The following AKNAD1 variants were observed in gnomAD, a reference collection of about 807,000 sequenced individuals.
AKNAD1 encodes AKNA domain containing 1, also known as protein AKNAD1.
In AKNAD1, 67 loss-of-function variants were observed where a neutral mutation model predicts 90.8. That is an observed-to-expected ratio of 0.74 (90% CI 0.61 to 0.90). The LOEUF (loss-of-function observed/expected upper bound fraction) is 0.90. Among genes scored for constraint, AKNAD1 ranks in the 40% least tolerant of loss-of-function variants. The pLI is 0.00. For missense variants in AKNAD1, 957 were observed against 975.4 expected, an observed-to-expected ratio of 0.98 and a Z score of 0.25; for synonymous variants, 327 against 341.4, an observed-to-expected ratio of 0.96 and a Z score of 0.46.
intron 14 of AKNAD1, among the ~76,000 whole-genome samples, chr1:108,818,918 C>T (rs561547721): frequency 3.4e-5 from 5 of 148,396 alleles, no homozygotes; most frequent in South Asian, 4.3e-4. Flanking sequence ...GAGCCATGAT[C>T]GTGCCACTTC....
intron 1 of AKNAD1, among the ~76,000 whole-genome samples, chr1:108,853,149 T>G (rs1205776745): frequency 2.0e-5 from 3 of 150,616 alleles, no homozygotes; most frequent in East Asian, 3.9e-4. Flanking sequence ...TTTTTTTTTT[T>G]GAGACGGAGT....
chr1:108,829,341 G>A (rs1664110572), intron 10 of AKNAD1, among the ~76,000 whole-genome samples: 1 of 148,404 alleles, frequency 6.7e-6, no homozygotes, highest in African/African-American at 2.5e-5. Flanking sequence ...TACTTCTGTA[G>A]GGTCTAGACT....
intron 11 of AKNAD1, among the ~76,000 whole-genome samples, chr1:108,825,599 G>A (rs1451316409): frequency 5.3e-5 from 8 of 151,460 alleles, no homozygotes; most frequent in African/African-American, 2.4e-5. Flanking sequence ...ATATACCTGA[G>A]GTGAAAATCC....
At chr1:108,830,290 C>T (rs758491593) in intron 10 of AKNAD1, among the ~76,000 whole-genome samples, 20 of 152,164 alleles carry the variant, frequency 1.3e-4, no homozygotes, top group Admixed American at 2.6e-4. Flanking sequence ...AGAGCCCCAC[C>T]GCTGGCGATG....
chr1:108,833,938 G>C (rs1041811988), intron 9 of AKNAD1, among the ~76,000 whole-genome samples: 65 of 151,926 alleles, frequency 4.3e-4, no homozygotes, highest in African/African-American at 1.5e-3. Flanking sequence ...GTAAAGCTCT[G>C]AGCCAACATA....
rs1553203224 is a variant in AKNAD1, at chr1:108,839,471, T to TAAAAAAAAAAAGAAAAAAAAAAAA, written c.1380-1766_1380-1765insTTTTTTTTTTTTCTTTTTTTTTTT. 6.5e-4 allele frequency among the ~76,000 whole-genome samples: 82 copies of TAAAAAAAAAAAGAAAAAAAAAAAA among 126,066 alleles called. 1 individual carries two copies. Among genetic ancestry groups the TAAAAAAAAAAAGAAAAAAAAAAAA allele is most frequent in the African/African-American group, 2.6e-3 (76 of 29,198 alleles). The allele number at this position is 126,066 out of a possible 152,430, so 82.7% of individuals were successfully genotyped here. On this transcript the variant is annotated intron_variant, in intron 6 of 15. Transcript: ENST00000370001. ...CTGGAGGAGCGAGACTCCGTCTCAA[T>TAAAAAAAAAAAGAAAAAAAAAAAA]AAAAAAAAAAAGAAAAGGGAAAATT...
At chr1:108,834,405 C>T (rs1664309385) in intron 9 of AKNAD1, 42 bp downstream of exon 9, 1 of 1,521,630 alleles carries the variant, frequency 6.6e-7, no homozygotes. Context: ...AAAGAGCCAA[C>T]AATGAGAAGA....
At chr1:108,844,389 T>C (rs1199335612) in intron 5 of AKNAD1, among the ~76,000 whole-genome samples, 1 of 151,634 alleles carries the variant, frequency 6.6e-6, no homozygotes, top group East Asian at 1.9e-4. Context: ...TATATATATA[T>C]ATATATATAC....
intron 9 of AKNAD1, among the ~76,000 whole-genome samples, chr1:108,833,877 A>G (rs1664289214): frequency 6.6e-6 from 1 of 152,078 alleles, no homozygotes; most frequent in Non-Finnish European, 1.5e-5. Flanking sequence ...TACCCTGAAC[A>G]AATATCACCT....
chr1:108,837,359 T>A, intron 7 of AKNAD1, 191 bp downstream of exon 7: 1 of 538,942 alleles, frequency 1.9e-6, no homozygotes, highest in African/African-American at 1.9e-5. Flanking sequence ...TTTCAAAAAT[T>A]AACACTTGAA....
At chr1:108,824,738 T>A (rs1011038989) in intron 11 of AKNAD1, among the ~76,000 whole-genome samples, 1 of 151,504 alleles carries the variant, frequency 6.6e-6, no homozygotes, top group South Asian at 2.1e-4. Flanking sequence ...GTTTAAATAT[T>A]GGGTCCCTAT....
intron 7 of AKNAD1, among the ~76,000 whole-genome samples, chr1:108,835,395 T>C (rs1488560555): frequency 1.3e-5 from 2 of 152,172 alleles, no homozygotes; most frequent in Non-Finnish European, 2.9e-5. Context: ...ACGTTACTTA[T>C]ATTAACTCAT....
intron 5 of AKNAD1, among the ~76,000 whole-genome samples, chr1:108,847,173 G>T (rs114784605): frequency 0.013 from 1,983 of 152,228 alleles, 36 homozygotes; most frequent in African/African-American, 0.046. Context: ...GCAGCCAGGT[G>T]CAGCGGCTCA....
chr1:108,835,818 G>A (rs1486896624), intron 7 of AKNAD1, among the ~76,000 whole-genome samples: 3 of 152,000 alleles, frequency 2.0e-5, no homozygotes, highest in Non-Finnish European at 4.4e-5. Flanking sequence ...TAGAAACGGG[G>A]TTTCACCATG....
At position 108,834,928 on chromosome 1, in the gene AKNAD1, C is replaced by A. The variant is rs759160775; in HGVS notation, c.1664+1G>T. On this transcript the variant is annotated splice_donor_variant, in intron 8 of 15. Coordinates refer to ENST00000370001, the MANE Select transcript of AKNAD1 (RefSeq NM_152763.5). LOFTEE classifies it high-confidence loss of function. ...GCTGGGGCTCCAGGGCTAGGACTCA[C>A]GTCTGCGGGGCCAGCTCACAGAGCT... 1 of 1,531,748 alleles carries A rather than the reference C, an allele frequency of 6.5e-7. No homozygotes were observed. Among genetic ancestry groups the A allele is most frequent in the South Asian group, 1.3e-5 (1 of 79,376 alleles). The allele number at this position is 1,531,748 out of a possible 1,614,324, so 94.9% of individuals were successfully genotyped here.
At chr1:108,853,200 C>CCGACAACACAACGTGTCTTGGGCCAT in intron 1 of AKNAD1, among the ~76,000 whole-genome samples, 1 of 146,478 alleles carries the variant, frequency 6.8e-6, no homozygotes, top group Middle Eastern at 3.8e-3. Flanking sequence ...GACACAATCT[C>CCGACAACACAACGTGTCTTGGGCCAT]GGCTCACTGC....
intron 5 of AKNAD1, among the ~76,000 whole-genome samples, chr1:108,848,156 C>T (rs1252412677): frequency 6.6e-6 from 1 of 152,190 alleles, no homozygotes; most frequent in East Asian, 1.9e-4. Context: ...GCCTCAACTA[C>T]ATCTTCAATG....
At chr1:108,816,515 A>G (rs1408992476) in intron 15 of AKNAD1, among the ~76,000 whole-genome samples, 1 of 152,110 alleles carries the variant, frequency 6.6e-6, no homozygotes, top group African/African-American at 2.4e-5. Flanking sequence ...AAAGACCAGC[A>G]CGTGACTGAT....
At chr1:108,827,050 C>A (rs529850198) in intron 11 of AKNAD1, among the ~76,000 whole-genome samples, 155 bp downstream of exon 11, 17 of 151,618 alleles carry the variant, frequency 1.1e-4, no homozygotes, top group African/African-American at 4.1e-4. Flanking sequence ...CCTATTAATT[C>A]TTTACATTTT....
Sources: allele counts gnomAD v4.1 joint callset (sites outside exome capture counted in the v4.1 genomes callset), GRCh38; gene constraint gnomAD v4.1.1; transcripts MANE v1.5; gene names NCBI Gene and HGNC (gene_info 2026-07-23, HGNC 2026-07-21).